The following CORIN variants were observed in gnomAD, a reference collection of about 807,000 sequenced individuals.
CORIN encodes the protein corin, serine peptidase.
Under a neutral mutation model 125.3 loss-of-function variants are expected in CORIN, and 117 were observed. The observed-to-expected ratio is 0.93, with a 90% confidence interval of 0.80 to 1.09. The LOEUF is 1.09. Ranked by LOEUF, CORIN falls within the 50% of genes least tolerant of loss-of-function variation. The pLI, the probability that CORIN is intolerant of heterozygous loss-of-function variation, is 0.00. For synonymous variants in CORIN, 450 were observed against 466.4 expected (o/e 0.96, Z 0.45); for missense variants, 1,253 against 1,306.7 (o/e 0.96, Z 0.63).
In CORIN at chr4:47,693,014, T is replaced by C. The variant is rs1290723607; in HGVS notation, c.869A>G (p.Asn290Ser). 6.2e-7 allele frequency: 1 copy of C among 1,613,876 alleles called. No homozygotes were observed. The highest frequency in any genetic ancestry group is 1.7e-4 in the Middle Eastern group (1 of 6,060). ...CCAGTCGTCACAGTCGTTGTAGCCA[T>C]TACATTGCAGTTTCCCGGGGATGCA... ...GICIPGKLQC[N>S]GYNDCDDWSD... Residue 290 changes from asparagine (N) to serine (S), a missense_variant, in exon 6 of 22, where the codon AAT becomes AGT. Transcript: ENST00000273857.
intron 21 of CORIN, among the ~76,000 whole-genome samples, chr4:47,597,035 T>C (rs562199629): frequency 1.3e-5 from 2 of 152,230 alleles, no homozygotes; most frequent in East Asian, 1.9e-4. Context: ...TTCTTAGGAA[T>C]ATTAGGGAAT....
In CORIN at chr4:47,618,345, G is replaced by A. The variant is rs201305513; in HGVS notation, c.2540+5226C>T. Among the ~76,000 whole-genome samples the A allele has an allele frequency of 7.4e-3, 713 of 96,218 alleles. 8 individuals are homozygous for A. Among genetic ancestry groups the A allele is most frequent in the East Asian group, 0.022 (63 of 2,866 alleles). The allele number at this position is 96,218 out of a possible 152,430, so 63.1% of individuals were successfully genotyped here. A position where few individuals can be genotyped will look rare whatever the true frequency, so the allele number is the denominator to read the frequency against. On this transcript the variant is annotated intron_variant, in intron 19 of 21. Transcript: ENST00000273857. ...GTGAAACTCCATCAAAAAAAAAAAAGGAAAGGAAAGGAAAGGGAAGGGAAG... is the reference window on the plus strand; with the variant it reads ...GTGAAACTCCATCAAAAAAAAAAAAAGAAAGGAAAGGAAAGGGAAGGGAAG...
At chr4:47,766,293 G>A (rs1048041520) in intron 3 of CORIN, among the ~76,000 whole-genome samples, 1 of 152,162 alleles carries the variant, frequency 6.6e-6, no homozygotes, top group Non-Finnish European at 1.5e-5. Flanking sequence ...ATTGGATCCC[G>A]TGGTGCCAGA....
chr4:47,751,645 C>T (rs1400062973), intron 4 of CORIN, among the ~76,000 whole-genome samples: 3 of 152,124 alleles, frequency 2.0e-5, no homozygotes, highest in African/African-American at 4.8e-5. Flanking sequence ...CCTAATAATG[C>T]CAGATAAAAT....
chr4:47,623,536 T>C, intron 19 of CORIN, 35 bp downstream of exon 19: 3 of 1,604,672 alleles, frequency 1.9e-6, no homozygotes, highest in Non-Finnish European at 2.6e-6. Flanking sequence ...AGTGATCAAA[T>C]CCAGGCAAAG....
chr4:47,776,981 T>C (rs967439526), intron 3 of CORIN, among the ~76,000 whole-genome samples: 4 of 152,194 alleles, frequency 2.6e-5, no homozygotes, highest in African/African-American at 9.6e-5. Flanking sequence ...ATATTATATT[T>C]TAGAAAAATA....
intron 5 of CORIN, among the ~76,000 whole-genome samples, chr4:47,708,715 A>G (rs964873330): frequency 2.0e-5 from 3 of 151,834 alleles, no homozygotes; most frequent in African/African-American, 7.3e-5. Context: ...CTTCCCTCCT[A>G]TTGCCTTTGT....
rs1725206029 is a variant in CORIN at position 47,680,178 on chromosome 4, G to A, written c.1095C>T (p.Asp365=). 6.2e-7 allele frequency: 1 copy of A among 1,613,948 alleles called. No homozygotes were observed. The highest frequency in any genetic ancestry group is 8.5e-7 in the Non-Finnish European group (1 of 1,179,854). The change falls in exon 8 of 22, where the codon GAC becomes GAT. Residue 365 remains aspartate (D), a synonymous_variant. Transcript: ENST00000273857. ...CIAMEWVCDG[D]HDCVDKSDEV... The stretch of plus-strand genomic sequence containing the variant: ...CGTCAGACTTATCCACACAGTCGTG[G>A]TCACCATCACACACCCACTCCATGG...
intron 3 of CORIN, among the ~76,000 whole-genome samples, chr4:47,780,550 A>G (rs1730493478): frequency 6.6e-6 from 1 of 152,062 alleles, no homozygotes; most frequent in African/African-American, 2.4e-5. Flanking sequence ...CCAAAAATCT[A>G]CTCCTCCACA....
Position 47,754,542 on chromosome 4 carries a change from A to T in CORIN, c.617+8837T>A, listed in dbSNP as rs116098007. ...TAATGTTTCCATTTATTCCCAAATG[A>T]GATACAATTTGGGACATATGTAACT... On this transcript the variant is annotated intron_variant, in intron 4 of 21. Transcript: ENST00000273857. 6.7e-3 allele frequency among the ~76,000 whole-genome samples: 1,025 copies of T among 152,196 alleles called. 14 individuals are homozygous for T. Among genetic ancestry groups the T allele is most frequent in the African/African-American group, 0.023 (957 of 41,522 alleles).
intron 6 of CORIN, among the ~76,000 whole-genome samples, chr4:47,687,105 T>A (rs538365582): frequency 1.3e-5 from 2 of 152,242 alleles, no homozygotes; most frequent in African/African-American, 2.4e-5. Flanking sequence ...AACTTTCTAC[T>A]ATTATAACTT....
At chr4:47,781,102 G>T (rs938575148) in intron 3 of CORIN, among the ~76,000 whole-genome samples, 1 of 151,798 alleles carries the variant, frequency 6.6e-6, no homozygotes, top group Non-Finnish European at 1.5e-5. Context: ...AAATATTAAT[G>T]GATTAAATTT....
intron 10 of CORIN, among the ~76,000 whole-genome samples, chr4:47,669,848 C>T (rs62299173): frequency 0.029 from 4,404 of 152,242 alleles, 98 homozygotes; most frequent in Non-Finnish European, 0.046. Context: ...GGATTACAGG[C>T]GTGAGCCACC....
At chr4:47,622,546 C>T (rs1347798295) in intron 19 of CORIN, among the ~76,000 whole-genome samples, 1 of 151,770 alleles carries the variant, frequency 6.6e-6, no homozygotes, top group Non-Finnish European at 1.5e-5. Flanking sequence ...GCCATTCTAA[C>T]TGGTGTGAGA....
intron 2 of CORIN, among the ~76,000 whole-genome samples, chr4:47,801,807 C>T (rs978886915): frequency 6.6e-6 from 1 of 152,214 alleles, no homozygotes; most frequent in Non-Finnish European, 1.5e-5. Context: ...TTTAAATGAA[C>T]TTGAGGGACA....
chr4:47,613,901 A>G (rs1577737537), intron 19 of CORIN, among the ~76,000 whole-genome samples: 2 of 152,028 alleles, frequency 1.3e-5, no homozygotes, highest in Admixed American at 1.3e-4. Context: ...TGGCACATGT[A>G]CACGTACGTA....
chr4:47,726,220 C>G (rs1727588678), intron 5 of CORIN, among the ~76,000 whole-genome samples: 1 of 152,006 alleles, frequency 6.6e-6, no homozygotes, highest in Non-Finnish European at 1.5e-5. Context: ...TCTAGGTATT[C>G]ATCTTAGAGA....
chr4:47,686,568 A>G (rs1577827223), intron 6 of CORIN, among the ~76,000 whole-genome samples: 1 of 152,196 alleles, frequency 6.6e-6, no homozygotes, highest in South Asian at 2.1e-4. Flanking sequence ...TCTTCTGCCC[A>G]CAGGGTAGAT....
intron 7 of CORIN, 125 bp from the exon 8 acceptor site, chr4:47,680,376 T>C: frequency 1.5e-6 from 1 of 658,854 alleles, no homozygotes; most frequent in Non-Finnish European, 2.7e-6. Flanking sequence ...ATAACATTTC[T>C]ACAATAGGTC....
Sources: gnomAD v4.1 joint callset for allele counts (sites outside exome capture counted in the v4.1 genomes callset) on GRCh38, gnomAD v4.1.1 for gene constraint, MANE v1.5 for transcripts, NCBI Gene and HGNC (gene_info 2026-07-23, HGNC 2026-07-21) for gene names.